Variants in EML1 observed in about 807,000 individuals in gnomAD.
EML1 encodes the protein echinoderm microtubule-associated protein-like 1.
A neutral mutation model predicts 110.4 loss-of-function variants in EML1; 27 were observed. The ratio of observed to expected loss-of-function variants is 0.24; its 90% CI spans 0.18 to 0.34. The LOEUF (loss-of-function observed/expected upper bound fraction) is 0.34, where lower values mean the gene tolerates loss of function less well. Ranked by LOEUF, EML1 falls within the 10% of genes least tolerant of loss-of-function variation. The pLI is 1.00. For synonymous variants in EML1, 344 were observed against 385.8 expected (o/e 0.89, Z 1.27); for missense variants, 741 against 1,030.9 (o/e 0.72, Z 3.85).
At chr14:99,914,774 T>C in intron 15 of EML1, 77 bp downstream of exon 15, 1 of 1,506,012 alleles carries the variant, frequency 6.6e-7, no homozygotes, top group South Asian at 1.3e-5. Context: ...TTGCATGAAA[T>C]CAACAGTGAT....
intron 1 of EML1, among the ~76,000 whole-genome samples, chr14:99,836,214 G>A (rs1462733483): frequency 1.1e-5 from 1 of 89,996 alleles, no homozygotes; most frequent in African/African-American, 4.2e-5. Flanking sequence ...CTTTTATTAT[G>A]TTTTAGTTTT....
At chr14:99,890,180 C>T (rs989186605) in intron 4 of EML1, among the ~76,000 whole-genome samples, 1 of 152,164 alleles carries the variant, frequency 6.6e-6, no homozygotes, top group Non-Finnish European at 1.5e-5. Flanking sequence ...GCATTTAAGG[C>T]ACTATGGTGC....
At chr14:99,924,486 CAAT>C (rs950226898) in intron 17 of EML1, among the ~76,000 whole-genome samples, 7 of 151,992 alleles carry the variant, frequency 4.6e-5, no homozygotes, top group Non-Finnish European at 1.0e-4. Flanking sequence ...AGATTAATGA[CAAT>C]AATAATAAAG....
chr14:99,932,316 G>T (rs1402306142), intron 17 of EML1, among the ~76,000 whole-genome samples: 1 of 152,206 alleles, frequency 6.6e-6, no homozygotes, highest in Non-Finnish European at 1.5e-5. Flanking sequence ...GAGAGAGATT[G>T]TGAAGTCCTG....
In EML1 at chr14:99,874,978, C is replaced by T. The variant is rs780466706; in HGVS notation, c.384-3507C>T. The T allele has an allele frequency of 1.4e-5, 23 of 1,613,358 alleles. No homozygotes were observed. Among genetic ancestry groups the T allele is most frequent in the East Asian group, 4.5e-5 (2 of 44,858 alleles). ...CTCAATGCTTGCAAACTGAATAGAT[C>T]GACACCAAGGTGAGGGGAACTTAGA... On this transcript the variant is annotated intron_variant, in intron 3 of 21. Transcript: ENST00000262233.
intron 1 of EML1, among the ~76,000 whole-genome samples, chr14:99,823,763 T>C (rs2058303674): frequency 6.6e-6 from 1 of 152,048 alleles, no homozygotes; most frequent in South Asian, 2.1e-4. Context: ...GGGTTGAGTA[T>C]GGTGAAGAAC....
intron 1 of EML1, among the ~76,000 whole-genome samples, chr14:99,758,830 T>C (rs1445258853): frequency 6.6e-6 from 1 of 152,234 alleles, no homozygotes; most frequent in Non-Finnish European, 1.5e-5. Flanking sequence ...CCTCCTGCCC[T>C]GTCCATCACA....
intron 3 of EML1, among the ~76,000 whole-genome samples, chr14:99,871,019 C>A (rs181220485): frequency 1.3e-5 from 2 of 152,040 alleles, no homozygotes; most frequent in African/African-American, 4.8e-5. Flanking sequence ...TGCAGTGGCG[C>A]GATTTTGGCT....
rs2060566324 is a variant in EML1, at chr14:99,940,274, A to G, written c.*162A>G. The G allele has an allele frequency of 4.4e-6, 4 of 902,732 alleles. No individual in the cohort carries two copies. In the Admixed American group the frequency reaches 1.5e-4, roughly 35 times the overall value. 55.9% of individuals were successfully genotyped at this position (902,732 alleles called of 1,614,324 possible). On this transcript the variant is annotated 3_prime_UTR_variant, in exon 22 of 22. Transcript: ENST00000262233. ...AGCTTAGCGTGTCAGCGGGCGCCACAGCGGATCAGCGGTTCCGTGTTCACT... is the reference window on the plus strand; with the variant it reads ...AGCTTAGCGTGTCAGCGGGCGCCACGGCGGATCAGCGGTTCCGTGTTCACT...
In EML1 at chr14:99,918,238, C is replaced by G. The variant is rs148160851; in HGVS notation, c.1820+389C>G. ...TCAGCCTCCCAAGTAGCTGGGACTA[C>G]AGGCATGCACTGCCATGCTCAACTA... On this transcript the variant is annotated intron_variant, in intron 16 of 21. Transcript: ENST00000262233. Among the ~76,000 whole-genome samples, 991 of 152,338 alleles carry G rather than the reference C, an allele frequency of 6.5e-3. 7 individuals are homozygous for G. Among genetic ancestry groups the G allele is most frequent in the African/African-American group, 0.023 (938 of 41,590 alleles).
Position 99,891,232 on chromosome 14 carries a change from G to A in EML1, c.547+5G>A, listed in dbSNP as rs2059582516. ...AGGAGCCTGTATTCAGTGCAGGTAA[G>A]TCTGATTTAATTTATGTATGGGAAC... On this transcript the variant is annotated splice_donor_5th_base_variant and intron_variant, in intron 5 of 21. Coordinates refer to ENST00000262233, the MANE Select transcript of EML1 (RefSeq NM_004434.3). 1 of 1,613,900 alleles carries A rather than the reference G, an allele frequency of 6.2e-7. No homozygotes were observed. Among genetic ancestry groups the A allele is most frequent in the Non-Finnish European group, 8.5e-7 (1 of 1,179,970 alleles).
At chr14:99,792,255 CCTACT>C (rs1330857267), upstream of EML1, among the ~76,000 whole-genome samples, 1 of 152,202 alleles carries the variant, frequency 6.6e-6, no homozygotes, top group Non-Finnish European at 1.5e-5. Flanking sequence ...TCTTATTTCA[CCTACT>C]CTATTCAACC....
Position 99,940,284 on chromosome 14 carries a change from C to A in EML1, c.*172C>A. 1 of 833,454 alleles carries A rather than the reference C, an allele frequency of 1.2e-6. No individual in the cohort carries two copies. Among genetic ancestry groups the A allele is most frequent in the Non-Finnish European group, 1.7e-6 (1 of 593,890 alleles). 51.6% of individuals were successfully genotyped at this position (833,454 alleles called of 1,614,324 possible). ...GTCAGCGGGCGCCACAGCGGATCAG[C>A]GGTTCCGTGTTCACTTTTGTTGTAC... On this transcript the variant is annotated 3_prime_UTR_variant, in exon 22 of 22. Transcript: ENST00000262233.
chr14:99,810,478 T>C (rs1459108251), intron 1 of EML1, among the ~76,000 whole-genome samples: 1 of 152,234 alleles, frequency 6.6e-6, no homozygotes, highest in East Asian at 1.9e-4. Context: ...GCCCTTTTCA[T>C]AGATGAGGAA....
intron 3 of EML1, among the ~76,000 whole-genome samples, chr14:99,869,116 A>G (rs1180758974): frequency 6.6e-6 from 1 of 152,226 alleles, no homozygotes. Context: ...TAGCAAATAC[A>G]TGCATGCCTC....
chr14:99,809,715 A>G, intron 1 of EML1: 1 of 456,078 alleles, frequency 2.2e-6, no homozygotes, highest in South Asian at 1.5e-5. Context: ...ATTTGGCCTG[A>G]TCTGAAATCA....
At chr14:99,788,544 G>A (rs778799256), upstream of EML1, among the ~76,000 whole-genome samples, 16 of 152,164 alleles carry the variant, frequency 1.1e-4, no homozygotes, top group Non-Finnish European at 2.1e-4. Flanking sequence ...AGGAGTTGGA[G>A]GCTCTAGTGT....
At chr14:99,842,703 C>T (rs1950580974) in intron 1 of EML1, among the ~76,000 whole-genome samples, 1 of 152,090 alleles carries the variant, frequency 6.6e-6, no homozygotes, top group South Asian at 2.1e-4. Context: ...CTGATTTGTG[C>T]AGTTTTATTA....
upstream of EML1, chr14:99,793,245 C>T (rs2057701315): frequency 3.8e-6 from 3 of 780,946 alleles, no homozygotes; most frequent in Admixed American, 6.5e-5. Context: ...CCCTCCCGGC[C>T]CGGGCCCCGC....
Sources: gnomAD v4.1 joint callset for allele counts (sites outside exome capture counted in the v4.1 genomes callset) on GRCh38, gnomAD v4.1.1 for gene constraint, MANE v1.5 for transcripts, NCBI Gene and HGNC (gene_info 2026-07-23, HGNC 2026-07-21) for gene names.